DLGAP1: variants seen among roughly 807,000 people sequenced by gnomAD.
DLGAP1 encodes DLG associated protein 1.
A neutral mutation model predicts 90.8 loss-of-function variants in DLGAP1; 11 were observed. The ratio of observed to expected loss-of-function variants is 0.12; its 90% CI spans 0.08 to 0.20. The LOEUF (loss-of-function observed/expected upper bound fraction) is 0.20, where lower values mean the gene tolerates loss of function less well. DLGAP1 is among the 10% of genes least tolerant of loss of function. DLGAP1 has a pLI of 1.00. For missense variants in DLGAP1, 1,050 were observed against 1,333.8 expected, an observed-to-expected ratio of 0.79 and a Z score of 3.31; for synonymous variants, 558 against 540.7, an observed-to-expected ratio of 1.03 and a Z score of -0.44.
intron 7 of DLGAP1, among the ~76,000 whole-genome samples, chr18:3,681,471 T>C (rs1194049586): frequency 6.6e-6 from 1 of 152,208 alleles, no homozygotes; most frequent in East Asian, 1.9e-4. Flanking sequence ...CTAGTTACCT[T>C]ATATGATTGA....
intron 7 of DLGAP1, among the ~76,000 whole-genome samples, chr18:3,584,836 C>T (rs966271127): frequency 7.2e-5 from 11 of 152,134 alleles, no homozygotes; most frequent in Non-Finnish European, 1.5e-4. Flanking sequence ...ACTGCAGCCT[C>T]GATCTCCTAG....
At chr18:4,308,679 T>C (rs985747359) in intron 1 of DLGAP1, among the ~76,000 whole-genome samples, 19 of 152,146 alleles carry the variant, frequency 1.2e-4, no homozygotes, top group African/African-American at 4.6e-4. Context: ...TTGGTACAAA[T>C]AGTAGTAGGT....
intron 1 of DLGAP1, among the ~76,000 whole-genome samples, chr18:4,230,408 A>C (rs2145047220): frequency 6.6e-6 from 1 of 152,242 alleles, no homozygotes; most frequent in African/African-American, 2.4e-5. Flanking sequence ...TCAACAGATG[A>C]ATGAAGAAAA....
intron 4 of DLGAP1, among the ~76,000 whole-genome samples, chr18:3,835,548 C>T (rs144169070): frequency 2.0e-5 from 3 of 150,648 alleles, no homozygotes; most frequent in Non-Finnish European, 2.9e-5. Context: ...ACTTGGGAGG[C>T]TGAGGCAGGA....
intron 5 of DLGAP1, among the ~76,000 whole-genome samples, chr18:3,750,776 T>C (rs150133886): frequency 2.0e-5 from 3 of 152,220 alleles, no homozygotes; most frequent in African/African-American, 4.8e-5. Flanking sequence ...TGATCACGCA[T>C]GCCCTCGCAA....
intron 1 of DLGAP1, among the ~76,000 whole-genome samples, chr18:4,333,623 A>ATT (rs373517542): frequency 5.0e-5 from 7 of 141,106 alleles, no homozygotes; most frequent in African/African-American, 1.3e-4. Flanking sequence ...TATATATATA[A>ATT]TTTTTTTTTT....
intron 1 of DLGAP1, among the ~76,000 whole-genome samples, chr18:4,152,683 G>A (rs1027528776): frequency 1.3e-5 from 2 of 152,146 alleles, no homozygotes; most frequent in East Asian, 3.8e-4. Flanking sequence ...ACAGCCTCAG[G>A]CATGATAATA....
intron 1 of DLGAP1, among the ~76,000 whole-genome samples, chr18:4,450,026 G>A (rs190982184): frequency 2.2e-3 from 340 of 152,280 alleles, no homozygotes; most frequent in African/African-American, 7.9e-3. Flanking sequence ...AGGATGAAAA[G>A]GTGACTTTGC....
intron 1 of DLGAP1, among the ~76,000 whole-genome samples, chr18:4,226,671 T>A (rs1272529413): frequency 3.3e-5 from 3 of 91,088 alleles, no homozygotes; most frequent in Non-Finnish European, 4.5e-5. Context: ...TTTGCAAGAC[T>A]CATGGTAAAC....
chr18:3,803,013 G>C (rs1294204198), intron 5 of DLGAP1, among the ~76,000 whole-genome samples: 1 of 152,152 alleles, frequency 6.6e-6, no homozygotes, highest in East Asian at 1.9e-4. Flanking sequence ...AATGCCATTG[G>C]TAAAGTGGTA....
chr18:4,068,540 A>T (rs1031728805), intron 2 of DLGAP1, among the ~76,000 whole-genome samples: 3 of 152,140 alleles, frequency 2.0e-5, no homozygotes, highest in East Asian at 3.8e-4. Context: ...TTATTTTTGG[A>T]TATTAATAAA....
At chr18:4,432,566 C>G (rs1356047076) in intron 1 of DLGAP1, among the ~76,000 whole-genome samples, 1 of 149,680 alleles carries the variant, frequency 6.7e-6, no homozygotes, top group Non-Finnish European at 1.5e-5. Context: ...TACAGTCAAG[C>G]TAACACATCC....
At chr18:3,810,709 C>G (rs1463586799) in intron 5 of DLGAP1, among the ~76,000 whole-genome samples, 2 of 152,036 alleles carry the variant, frequency 1.3e-5, no homozygotes, top group Non-Finnish European at 2.9e-5. Context: ...GAATGAAAGA[C>G]AGAATTGATT....
In DLGAP1 at chr18:3,547,127, C is replaced by T. The variant is rs1022476598; in HGVS notation, c.2058-12512G>A. Among the ~76,000 whole-genome samples the T allele has an allele frequency of 1.7e-4, 26 of 151,852 alleles. No homozygotes were observed. The South Asian group carries it at 4.8e-3, about 28-fold the overall frequency. On this transcript the variant is annotated intron_variant, in intron 9 of 12. Coordinates refer to ENST00000315677, the MANE Select transcript of DLGAP1 (RefSeq NM_004746.4). Reference sequence around the variant, plus strand: ...CCATCCTGGCTAACAGGGTGAAACCCCGTCTCTACTAAAAATACAAAAAAT... The same window carrying T: ...CCATCCTGGCTAACAGGGTGAAACCTCGTCTCTACTAAAAATACAAAAAAT...
chr18:3,682,907 G>T (rs941114483), intron 7 of DLGAP1, among the ~76,000 whole-genome samples: 68 of 151,352 alleles, frequency 4.5e-4, no homozygotes, highest in Non-Finnish European at 1.9e-4. Flanking sequence ...GCTCAGGCTG[G>T]AGTACAGTGG....
At chr18:4,366,923 A>C (rs2081783663) in intron 1 of DLGAP1, among the ~76,000 whole-genome samples, 1 of 151,032 alleles carries the variant, frequency 6.6e-6, no homozygotes, top group Admixed American at 6.6e-5. Flanking sequence ...AAGTTATCTC[A>C]CAGAAAAATT....
chr18:3,997,404 C>T lies in DLGAP1; in HGVS notation c.-73+7712G>A, dbSNP rs1194604303. On this transcript the variant is annotated intron_variant, in intron 3 of 12. Coordinates refer to ENST00000315677, the MANE Select transcript of DLGAP1 (RefSeq NM_004746.4). The stretch of plus-strand genomic sequence containing the variant: ...AGAAAGATGCCAGCTTGGGTCGCTC[C>T]CCCTCACCCCTAGGCTCGGTTAAAC... 6.1e-5 allele frequency among the ~76,000 whole-genome samples: 3 copies of T among 49,494 alleles called. 1 individual carries two copies. The East Asian group carries it at 2.2e-3, about 36-fold the overall frequency. 32.5% of individuals were successfully genotyped at this position (49,494 alleles called of 152,430 possible).
chr18:4,368,286 T>C (rs1047599735), intron 1 of DLGAP1, among the ~76,000 whole-genome samples: 5 of 152,168 alleles, frequency 3.3e-5, no homozygotes, highest in Non-Finnish European at 7.4e-5. Flanking sequence ...GATGGATAAT[T>C]TGAAATGTCA....
chr18:4,165,244 T>G (rs1452430852), intron 1 of DLGAP1, among the ~76,000 whole-genome samples: 1 of 152,184 alleles, frequency 6.6e-6, no homozygotes, highest in Non-Finnish European at 1.5e-5. Context: ...AAATAATGCC[T>G]GTCTCTAGGG....
Sources: gnomAD v4.1 joint callset for allele counts (sites outside exome capture counted in the v4.1 genomes callset) on GRCh38, gnomAD v4.1.1 for gene constraint, MANE v1.5 for transcripts, NCBI Gene and HGNC (gene_info 2026-07-23, HGNC 2026-07-21) for gene names.